Variants in FOXJ2 observed in about 807,000 individuals in gnomAD.
FOXJ2 encodes the protein forkhead box J2, also known as forkhead box protein J2.
A neutral mutation model predicts 68.4 loss-of-function variants in FOXJ2; 18 were observed. The observed-to-expected ratio is 0.26, with a 90% CI of 0.18 to 0.39. The LOEUF is 0.39. Among genes scored for constraint, FOXJ2 ranks in the 10% least tolerant of loss-of-function variants. FOXJ2 has a pLI of 1.00. For missense variants in FOXJ2, 670 were observed against 726.5 expected (o/e 0.92, Z 0.89); for synonymous variants, 274 against 263.2 (o/e 1.04, Z -0.40).
At chr12:8,043,486 A>G (rs1177237774) in intron 3 of FOXJ2, among the ~76,000 whole-genome samples, 2 of 152,150 alleles carry the variant, frequency 1.3e-5, no homozygotes, top group Non-Finnish European at 2.9e-5. Flanking sequence ...TCAGAAGGGA[A>G]GGGAGAGGCT....
chr12:8,039,856 C>T lies in FOXJ2; in HGVS notation c.24C>T (p.Ser8=), dbSNP rs764560182. The T allele has an allele frequency of 6.2e-7, 1 of 1,613,986 alleles. No individual in the cohort carries two copies. Among genetic ancestry groups the T allele is most frequent in the East Asian group, 2.2e-5 (1 of 44,878 alleles). Residue 8 remains serine (S), a synonymous_variant, in exon 2 of 11, where the codon AGC becomes AGT. Transcript: ENST00000162391. ...CCATGGCTTCTGACCTAGAGAGTAG[C>T]CTCACCTCCATAGACTGGCTCCCCC... MASDLES[S]LTSIDWLPQL... is the part of the protein sequence containing the mutation.
chr12:8,042,726 TG>T lies in FOXJ2; in HGVS notation c.405del (p.Lys136ArgfsTer66). The T allele has an allele frequency of 6.2e-7, 1 of 1,613,502 alleles. No individual in the cohort carries two copies. Among genetic ancestry groups the T allele is most frequent in the Non-Finnish European group, 8.5e-7 (1 of 1,179,456 alleles). ...AGGTGCCCAGACCTCGGGATGACCC[TG>T]GGAAGGTAAGATACTACTGTAAGCA... Reference protein sequence around the residue: ...RKVPRPRDDPGKGSYWTIDTC... With the variant: ...RKVPRPRDDPXKGSYWTIDTC... On this transcript the variant is annotated frameshift_variant, in exon 3 of 11. Coordinates refer to ENST00000162391, the MANE Select transcript of FOXJ2 (RefSeq NM_018416.3). LOFTEE classifies it high-confidence loss of function.
intron 10 of FOXJ2, among the ~76,000 whole-genome samples, chr12:8,051,255 A>G (rs1382014591): frequency 6.6e-6 from 1 of 151,432 alleles, no homozygotes; most frequent in African/African-American, 2.4e-5. Flanking sequence ...TGAGCCTCTC[A>G]ACTAGCTGGG....
intron 7 of FOXJ2, among the ~76,000 whole-genome samples, 178 bp downstream of exon 7, chr12:8,048,467 G>A (rs1947070761): frequency 6.6e-6 from 1 of 152,242 alleles, no homozygotes; most frequent in Non-Finnish European, 1.5e-5. Flanking sequence ...AGAATTCCTG[G>A]ATCAATTGAG....
intron 2 of FOXJ2, among the ~76,000 whole-genome samples, chr12:8,041,506 CCT>C (rs1946964476): frequency 1.3e-5 from 2 of 151,282 alleles, no homozygotes; most frequent in Non-Finnish European, 2.9e-5. Context: ...CCGTACCCAG[CCT>C]CTCTTTTTTT....
chr12:8,048,852 G>A, intron 8 of FOXJ2, 54 bp downstream of exon 8: 3 of 1,454,610 alleles, frequency 2.1e-6, no homozygotes, highest in Non-Finnish European at 2.9e-6. Context: ...GGAAAACCCA[G>A]TAGAAACTGG....
At chr12:8,045,985 G>A (rs1947032118) in intron 6 of FOXJ2, among the ~76,000 whole-genome samples, 1 of 152,196 alleles carries the variant, frequency 6.6e-6, no homozygotes. Flanking sequence ...AACACAAAGA[G>A]AGGTATCACT....
intron 10 of FOXJ2, 97 bp from the exon 11 acceptor site, chr12:8,052,665 C>A: frequency 9.5e-7 from 1 of 1,049,308 alleles, no homozygotes; most frequent in Non-Finnish European, 1.4e-6. Context: ...ACAAGGCCTT[C>A]TTCGTGGTGT....
At position 8,044,870 on chromosome 12, in the gene FOXJ2, C is replaced by T; in HGVS notation, c.729C>T (p.Tyr243=). 1.2e-6 allele frequency: 2 copies of T among 1,614,132 alleles called. No homozygotes were observed. The highest frequency in any genetic ancestry group is 1.3e-5 in the African/African-American group (1 of 75,060). ...YNTNHDFKFS[Y]SEINFQDLSW... ...CCAACCATGACTTTAAATTCTCCTA[C>T]TCAGAGATCAACTTTCAGGATCTAA... The change falls in exon 6 of 11, where the codon TAC becomes TAT. Residue 243 remains tyrosine, a synonymous_variant. Coordinates refer to ENST00000162391, the MANE Select transcript of FOXJ2 (RefSeq NM_018416.3).
Position 8,049,447 on chromosome 12 carries a change from C to G in FOXJ2, c.1413C>G (p.Asn471Lys). 2 of 1,614,210 alleles carry G rather than the reference C, an allele frequency of 1.2e-6. No homozygotes were observed. Among genetic ancestry groups the G allele is most frequent in the Middle Eastern group, 1.6e-4 (1 of 6,062 alleles). The change falls in exon 9 of 11, where the codon AAC becomes AAG. Residue 471 changes from asparagine to lysine, a missense_variant. Physicochemically the swap from Asn to Lys is moderately conservative, Grantham distance 94. This residue lies in a region of FOXJ2 where 555 missense variants were observed against 562.2 expected (regional missense o/e 0.99). Coordinates refer to ENST00000162391, the MANE Select transcript of FOXJ2 (RefSeq NM_018416.3). ...TTGCCAATCTGTGTGACTCCCTCAA[C>G]CACTTCCTTACTCAGACTGGTCACG... The part of the protein sequence containing the change: ...HHIANLCDSL[N>K]HFLTQTGHVP...
At chr12:8,041,260 G>A (rs1012344165) in intron 2 of FOXJ2, among the ~76,000 whole-genome samples, 6 of 151,812 alleles carry the variant, frequency 4.0e-5, no homozygotes, top group African/African-American at 1.5e-4. Context: ...GGAGTTTAGT[G>A]GCGTGATATC....
At chr12:8,043,408 G>A (rs1946993574) in intron 3 of FOXJ2, among the ~76,000 whole-genome samples, 1 of 152,076 alleles carries the variant, frequency 6.6e-6, no homozygotes, top group African/African-American at 2.4e-5. Flanking sequence ...CCGTAAAAGA[G>A]AAGGGATGGA....
Position 8,044,063 on chromosome 12 carries a change from GC to G in FOXJ2, c.594del (p.Thr199HisfsTer3). The G allele has an allele frequency of 6.4e-7, 1 of 1,566,660 alleles. No homozygotes were observed. The highest frequency in any genetic ancestry group is 8.6e-7 in the Non-Finnish European group (1 of 1,158,490). On this transcript the variant is annotated frameshift_variant, in exon 5 of 11. Coordinates refer to ENST00000162391, the MANE Select transcript of FOXJ2 (RefSeq NM_018416.3). LOFTEE classifies it high-confidence loss of function. Reference sequence around the variant, plus strand: ...GGGAATCCGCAGATGTCACTTCAGAGCCCCACATCTATAGCCAGCTACAGCC... The same window carrying G: ...GGGAATCCGCAGATGTCACTTCAGAGCCCACATCTATAGCCAGCTACAGCC... ...PEGNPQMSLQ[S>X]PTSIASYSQG...
chr12:8,042,626 C>T (rs754378322), intron 2 of FOXJ2, 32 bp from the exon 3 acceptor site: 18 of 1,589,236 alleles, frequency 1.1e-5, no homozygotes, highest in Non-Finnish European at 1.5e-5. Context: ...CTGCATAATG[C>T]TCAGGCCTAA....
intron 1 of FOXJ2, among the ~76,000 whole-genome samples, chr12:8,037,870 T>C (rs1289754492): frequency 6.6e-6 from 1 of 152,182 alleles, no homozygotes; most frequent in Non-Finnish European, 1.5e-5. Context: ...CTTAGTAGTA[T>C]TGGAAGGTGT....
chr12:8,050,347 C>T lies in FOXJ2; in HGVS notation c.1538-175C>T, dbSNP rs978366156. On this transcript the variant is annotated intron_variant, in intron 9 of 10. Coordinates refer to ENST00000162391, the MANE Select transcript of FOXJ2 (RefSeq NM_018416.3). ...TGTACTATCCATTTCTTTTTACCCT[C>T]AGTGGTGAGGACTGACAGCTTCTGC... 47 of 1,375,820 alleles carry T rather than the reference C, an allele frequency of 3.4e-5. No homozygotes were observed. The African/African-American group carries it at 6.2e-4, about 18-fold the overall frequency. The allele number at this position is 1,375,820 out of a possible 1,614,324, so 85.2% of individuals were successfully genotyped here.
chr12:8,052,709 G>C (rs1324317840), intron 10 of FOXJ2, 53 bp from the exon 11 acceptor site: 1 of 1,469,060 alleles, frequency 6.8e-7, no homozygotes, highest in African/African-American at 1.4e-5. Context: ...TGTAAATTGA[G>C]GGAACAGCTT....
intron 2 of FOXJ2, 42 bp from the exon 3 acceptor site, chr12:8,042,616 C>T: frequency 6.5e-7 from 1 of 1,539,472 alleles, no homozygotes; most frequent in Non-Finnish European, 9.0e-7. Flanking sequence ...ATGTTCTGCT[C>T]TGCATAATGC....
chr12:8,054,407 C>CT lies in FOXJ2; in HGVS notation c.*1560dup, dbSNP rs1947162195. 1 of 152,234 alleles carries CT rather than the reference C, an allele frequency of 6.6e-6. No homozygotes were observed. Among genetic ancestry groups the CT allele is most frequent in the African/African-American group, 2.4e-5 (1 of 41,468 alleles). The allele number at this position is 152,234 out of a possible 1,614,324, so 9.4% of individuals were successfully genotyped here. On this transcript the variant is annotated 3_prime_UTR_variant, in exon 11 of 11. Transcript: ENST00000162391. ...AAAATGTATGGAATAGACAAGGCCA[C>CT]TTTCTTTGTGATTTCTGCTTTTCAT...
Sources: allele counts gnomAD v4.1 joint callset (sites outside exome capture counted in the v4.1 genomes callset), GRCh38; gene constraint gnomAD v4.1.1; regional missense constraint gnomAD v4.1.1; transcripts MANE v1.5; gene names NCBI Gene and HGNC (gene_info 2026-07-23, HGNC 2026-07-21).